The following CDH5 variants were observed in gnomAD, a reference collection of about 807,000 sequenced individuals.
CDH5 encodes the protein cadherin 5.
A neutral mutation model predicts 62.0 loss-of-function variants in CDH5; 28 were observed. The ratio of observed to expected loss-of-function variants is 0.45; its 90% CI spans 0.33 to 0.62. CDH5 has a LOEUF of 0.62. Among genes scored for constraint, CDH5 ranks in the 20% least tolerant of loss-of-function variants. The pLI is 0.02. For synonymous variants in CDH5, 464 were observed against 445.8 expected (o/e 1.04, Z -0.52); for missense variants, 940 against 1,065.1 (o/e 0.88, Z 1.63).
intron 1 of CDH5, among the ~76,000 whole-genome samples, chr16:66,378,432 A>T (rs572604627): frequency 1.6e-4 from 24 of 152,226 alleles, no homozygotes; most frequent in Non-Finnish European, 3.2e-4. Flanking sequence ...AACCTGGAAG[A>T]TGATGGGGAA....
rs1961352986 is a variant in CDH5, at chr16:66,404,484, T to G, written c.*1315T>G. ...CACTGCAAGGGATTGTAGATAACAC[T>G]GACTTGTTTGTTTTAACCAATAACT... On this transcript the variant is annotated 3_prime_UTR_variant, in exon 12 of 12. Transcript: ENST00000341529. The G allele has an allele frequency of 6.6e-6, 1 of 152,268 alleles. No individual in the cohort carries two copies. The highest frequency in any genetic ancestry group is 6.5e-5 in the Admixed American group (1 of 15,288). 9.4% of individuals were successfully genotyped at this position (152,268 alleles called of 1,614,324 possible). A position where few individuals can be genotyped will look rare whatever the true frequency, so the allele number is the denominator to read the frequency against.
chr16:66,387,935 G>A (rs74026529), intron 3 of CDH5, among the ~76,000 whole-genome samples: 5,633 of 152,210 alleles, frequency 0.037, 323 homozygotes, highest in African/African-American at 0.13. Context: ...CCAGACCTTC[G>A]GGTTGAGTGT....
At chr16:66,402,564 G>T in intron 11 of CDH5, 88 bp from the exon 12 acceptor site, 1 of 1,177,868 alleles carries the variant, frequency 8.5e-7, no homozygotes, top group Non-Finnish European at 1.1e-6. Flanking sequence ...TGGGGGTGGG[G>T]TTGCAGGGGG....
At position 66,396,150 on chromosome 16, in the gene CDH5, G is replaced by A; in HGVS notation, c.1309G>A (p.Val437Ile). Residue 437 changes from valine to isoleucine, a missense_variant, in exon 8 of 12, where the codon GTC becomes ATC. Physicochemically the swap from Val to Ile is conservative, Grantham distance 29 (BLOSUM62 3). Transcript: ENST00000341529. ...CAATGAGAAAGAACTGGACAGAGAA[G>A]TCTACCCCTGGTATAACCTGACTGT... Reference protein sequence around the residue: ...IYNEKELDREVYPWYNLTVEA... With the variant: ...IYNEKELDREIYPWYNLTVEA... 4 of 1,614,200 alleles carry A rather than the reference G, an allele frequency of 2.5e-6. No homozygotes were observed. The highest frequency in any genetic ancestry group is 2.2e-5 in the South Asian group (2 of 91,078).
rs192505361 is a variant in CDH5 at position 66,402,628 on chromosome 16, T to C, written c.1838-24T>C. 4.2e-5 allele frequency: 65 copies of C among 1,541,702 alleles called. No individual in the cohort carries two copies. In the African/African-American group the frequency reaches 8.6e-4, roughly 20 times the overall value. The stretch of plus-strand genomic sequence containing the variant: ...CCAGGCCCCCAGCCTTGTCTGACTC[T>C]GCTGCTCGGCTCCCTGGCTGCAGTG... On this transcript the variant is annotated intron_variant, in intron 11 of 11. Transcript: ENST00000341529.
intron 5 of CDH5, among the ~76,000 whole-genome samples, chr16:66,389,881 C>A (rs1961052596): frequency 6.6e-6 from 1 of 152,202 alleles, no homozygotes; most frequent in Admixed American, 6.5e-5. Flanking sequence ...CTAGAAATTC[C>A]CACAAGCCAG....
rs763369387 is a variant in CDH5, at chr16:66,386,994, G to A, written c.396G>A (p.Glu132=). ...IVDKDTGENL[E]TPSSFTIKVH... Reference sequence around the variant, plus strand: ...ACAAGGACACTGGCGAAAACCTGGAGACTCCTTCCAGCTTCACCATCAAAG... The same window carrying A: ...ACAAGGACACTGGCGAAAACCTGGAAACTCCTTCCAGCTTCACCATCAAAG... Residue 132 remains glutamate, a synonymous_variant, in exon 3 of 12, where the codon GAG becomes GAA. Transcript: ENST00000341529. 1.0e-4 allele frequency: 163 copies of A among 1,614,056 alleles called. No homozygotes were observed. Among genetic ancestry groups the A allele is most frequent in the Non-Finnish European group, 1.3e-4 (153 of 1,180,040 alleles).
At chr16:66,396,338 T>C in intron 8 of CDH5, 137 bp downstream of exon 8, 1 of 999,330 alleles carries the variant, frequency 1.0e-6, no homozygotes, top group Non-Finnish European at 1.5e-6. Context: ...TGGGATGCTA[T>C]AGAGCTCCCA....
intron 5 of CDH5, 126 bp downstream of exon 5, chr16:66,389,648 C>A: frequency 1.3e-6 from 1 of 762,056 alleles, no homozygotes; most frequent in Non-Finnish European, 2.0e-6. Flanking sequence ...GGCCTGATGC[C>A]CAAAGGAGTC....
At position 66,400,933 on chromosome 16, in the gene CDH5, C is replaced by T; in HGVS notation, c.1754C>T (p.Thr585Ile). 6.2e-7 allele frequency: 1 copy of T among 1,614,208 alleles called. No homozygotes were observed. Among genetic ancestry groups the T allele is most frequent in the Non-Finnish European group, 8.5e-7 (1 of 1,180,048 alleles). Residue 585 changes from threonine to isoleucine, a missense_variant, in exon 11 of 12, where the codon ACC becomes ATC. By Grantham distance (89) the Thr-to-Ile change is moderately conservative (BLOSUM62 -1). Coordinates refer to ENST00000341529, the MANE Select transcript of CDH5 (RefSeq NM_001795.5). ...AAGTGCAACGAGCAGGGCGAGTTCA[C>T]CTTCTGCGAGGATATGGCCGCCCAG... The part of the protein sequence containing the change: ...VCKCNEQGEF[T>I]FCEDMAAQVG...
chr16:66,371,407 G>A (rs1441797834), intron 1 of CDH5, among the ~76,000 whole-genome samples: 3 of 152,120 alleles, frequency 2.0e-5, no homozygotes, highest in Non-Finnish European at 2.9e-5. Context: ...CCTGACCCCA[G>A]GCCTCTGGGC....
intron 1 of CDH5, among the ~76,000 whole-genome samples, chr16:66,373,982 G>T (rs971156797): frequency 1.3e-5 from 2 of 152,112 alleles, no homozygotes; most frequent in African/African-American, 4.8e-5. Flanking sequence ...TCACCACAGA[G>T]ATAGAGAGAG....
At chr16:66,395,904 C>T (rs200390044) in intron 7 of CDH5, 155 bp from the exon 8 acceptor site, 31 of 635,026 alleles carry the variant, frequency 4.9e-5, no homozygotes, top group East Asian at 4.7e-4. Flanking sequence ...TGTGTAGGTC[C>T]ACTCTTGTCT....
intron 5 of CDH5, 33 bp from the exon 6 acceptor site, chr16:66,390,370 C>A: frequency 6.4e-7 from 1 of 1,567,126 alleles, no homozygotes; most frequent in South Asian, 1.2e-5. Context: ...TCTCATTAAC[C>A]CAAAGCCCTT....
chr16:66,379,654 GGTT>G (rs1960851535), intron 2 of CDH5, 107 bp downstream of exon 2: 1 of 942,340 alleles, frequency 1.1e-6, no homozygotes, highest in East Asian at 2.5e-5. Flanking sequence ...ATATTGTGGT[GGTT>G]GTAGGAGTGG....
Position 66,386,949 on chromosome 16 carries a change from C to T in CDH5, c.351C>T (p.His117=), listed in dbSNP as rs141108560. Residue 117 remains histidine, a synonymous_variant, in exon 3 of 12, where the codon CAC becomes CAT. Transcript: ENST00000341529. ...ACCGGGAGAATATCTCAGAGTACCA[C>T]CTCACTGCTGTCATTGTGGACAAGG... ...RLDRENISEY[H]LTAVIVDKDT... The T allele has an allele frequency of 3.8e-5, 61 of 1,614,100 alleles. No individual in the cohort carries two copies. The highest frequency in any genetic ancestry group is 4.7e-5 in the Non-Finnish European group (56 of 1,180,054).
At chr16:66,375,416 C>A (rs952995563) in intron 1 of CDH5, among the ~76,000 whole-genome samples, 2 of 152,046 alleles carry the variant, frequency 1.3e-5, no homozygotes, top group African/African-American at 2.4e-5. Flanking sequence ...CTGGCACATA[C>A]CTCCTTGTGG....
At chr16:66,368,622 CCT>C (rs1323629669) in intron 1 of CDH5, among the ~76,000 whole-genome samples, 2 of 152,202 alleles carry the variant, frequency 1.3e-5, no homozygotes, top group Admixed American at 1.3e-4. Flanking sequence ...TTCCCTGTAT[CCT>C]CTCTCTGCAC....
chr16:66,376,711 T>G (rs1960793940), intron 1 of CDH5: 1 of 152,254 alleles, frequency 6.6e-6, no homozygotes, highest in Admixed American at 6.5e-5. Flanking sequence ...CCAGAGGCCT[T>G]CCTGGCCTCA....
Sources: allele counts gnomAD v4.1 joint callset (sites outside exome capture counted in the v4.1 genomes callset), GRCh38; gene constraint gnomAD v4.1.1; transcripts MANE v1.5; gene names NCBI Gene and HGNC (gene_info 2026-07-23, HGNC 2026-07-21).